ERG: variants seen among roughly 807,000 people sequenced by gnomAD.
ERG encodes transcriptional regulator ERG.
In ERG, 9 loss-of-function variants were observed where a neutral mutation model predicts 55.3. The observed-to-expected ratio is 0.16, with a 90% CI of 0.10 to 0.28. The LOEUF (loss-of-function observed/expected upper bound fraction) is 0.28, where lower values mean the gene tolerates loss of function less well. ERG is among the 10% of genes least tolerant of loss of function. The probability of loss-of-function intolerance (pLI) is 1.00; values close to 1 mark genes in which losing one functional copy is unlikely to be tolerated. For missense variants in ERG, 434 were observed against 631.6 expected, an observed-to-expected ratio of 0.69 and a Z score of 3.35; for synonymous variants, 223 against 237.3, an observed-to-expected ratio of 0.94 and a Z score of 0.55.
intron 1 of ERG, among the ~76,000 whole-genome samples, chr21:38,606,875 G>C (rs181563383): frequency 6.6e-4 from 101 of 152,246 alleles, no homozygotes; most frequent in African/African-American, 2.3e-3. Context: ...AAATTATTCA[G>C]AAGATATATT....
intron 5 of ERG, among the ~76,000 whole-genome samples, chr21:38,401,202 G>A (rs911547470): frequency 2.0e-5 from 3 of 152,074 alleles, no homozygotes; most frequent in Non-Finnish European, 4.4e-5. Context: ...GGAATTTGTT[G>A]TCTTGTTCAT....
At chr21:38,391,570 A>C in intron 8 of ERG, 89 bp downstream of exon 8, 6 of 1,094,088 alleles carry the variant, frequency 5.5e-6, no homozygotes, top group Non-Finnish European at 8.2e-6. Context: ...CAATCATGTT[A>C]ATTTCCATTA....
intron 2 of ERG, among the ~76,000 whole-genome samples, chr21:38,509,026 T>A (rs1271585433): frequency 1.3e-5 from 2 of 152,188 alleles, no homozygotes; most frequent in Non-Finnish European, 2.9e-5. Flanking sequence ...CCCAGAGGTA[T>A]AAATGAAGAA....
At chr21:38,574,292 C>T (rs1601261080) in intron 2 of ERG, among the ~76,000 whole-genome samples, 1 of 152,196 alleles carries the variant, frequency 6.6e-6, no homozygotes, top group Admixed American at 6.5e-5. Context: ...CCGAAGAAAC[C>T]TTATCACATC....
chr21:38,493,591 G>A (rs772127111), intron 1 of ERG, among the ~76,000 whole-genome samples: 8 of 152,208 alleles, frequency 5.3e-5, no homozygotes, highest in Non-Finnish European at 1.2e-4. Context: ...AAAGAGGAGA[G>A]TGGGGTATTC....
At chr21:38,550,538 G>A (rs1386671117) in intron 2 of ERG, among the ~76,000 whole-genome samples, 1 of 152,164 alleles carries the variant, frequency 6.6e-6, no homozygotes, top group East Asian at 1.9e-4. Flanking sequence ...TTGTCACAGT[G>A]TGAAGACCCA....
At chr21:38,450,096 A>G (rs1000920868) in intron 1 of ERG, among the ~76,000 whole-genome samples, 2 of 152,144 alleles carry the variant, frequency 1.3e-5, no homozygotes, top group African/African-American at 2.4e-5. Flanking sequence ...ATGCTTAAAA[A>G]AAAAAAAATC....
chr21:38,661,693 G>A (rs1349667567), exon 1 of ERG: 1 of 152,322 alleles, frequency 6.6e-6, no homozygotes, highest in Non-Finnish European at 1.5e-5. Flanking sequence ...GTCCCTCGGG[G>A]GCCGTCACGA....
At chr21:38,610,161 A>G (rs1302589142) in intron 1 of ERG, among the ~76,000 whole-genome samples, 1 of 152,244 alleles carries the variant, frequency 6.6e-6, no homozygotes, top group East Asian at 1.9e-4. Flanking sequence ...ACACACAGCA[A>G]GTAATGGATG....
chr21:38,452,135 A>T (rs1468589549), intron 1 of ERG, among the ~76,000 whole-genome samples: 1 of 151,448 alleles, frequency 6.6e-6, no homozygotes, highest in Non-Finnish European at 1.5e-5. Flanking sequence ...ATCTAAAGAG[A>T]GTATTTCTCC....
At chr21:38,420,030 G>GTT (rs1569083366) in intron 3 of ERG, among the ~76,000 whole-genome samples, 2 of 137,542 alleles carry the variant, frequency 1.5e-5, no homozygotes, top group African/African-American at 3.0e-5. Flanking sequence ...AATAACTGAT[G>GTT]GTTTTTTTTT....
At chr21:38,507,190 T>C (rs116314223) in intron 2 of ERG, among the ~76,000 whole-genome samples, 38 of 152,280 alleles carry the variant, frequency 2.5e-4, no homozygotes, top group African/African-American at 9.1e-4. Context: ...AGTGCAGGGC[T>C]AACCTCTGCT....
At chr21:38,529,549 G>A (rs1008745849) in intron 2 of ERG, among the ~76,000 whole-genome samples, 2 of 152,144 alleles carry the variant, frequency 1.3e-5, no homozygotes, top group Admixed American at 1.3e-4. Context: ...AGTAGCCTTG[G>A]GGAGCAGTGA....
chr21:38,594,502 T>C (rs2060119811), intron 1 of ERG, among the ~76,000 whole-genome samples: 1 of 152,002 alleles, frequency 6.6e-6, no homozygotes. Context: ...GACGGGGCCA[T>C]ATGGGACAGA....
intron 1 of ERG, among the ~76,000 whole-genome samples, chr21:38,607,377 GC>G (rs1280325105): frequency 6.6e-6 from 1 of 152,154 alleles, no homozygotes; most frequent in East Asian, 1.9e-4. Flanking sequence ...GGTGGCTCAC[GC>G]CTGTAATCCC....
chr21:38,545,867 T>C (rs75212529), intron 2 of ERG, among the ~76,000 whole-genome samples: 2,048 of 152,300 alleles, frequency 0.013, 51 homozygotes, highest in African/African-American at 0.047. Context: ...CTCCAACTCA[T>C]TTCCTACTAA....
intron 1 of ERG, among the ~76,000 whole-genome samples, chr21:38,627,144 A>G (rs1195368724): frequency 6.6e-6 from 1 of 152,196 alleles, no homozygotes; most frequent in Non-Finnish European, 1.5e-5. Flanking sequence ...AAAGACAACA[A>G]AAGTAGATGT....
intron 1 of ERG, among the ~76,000 whole-genome samples, chr21:38,478,334 A>C (rs1569130672): frequency 6.6e-6 from 1 of 152,226 alleles, no homozygotes; most frequent in East Asian, 1.9e-4. Flanking sequence ...GGAACTGTGA[A>C]AATAGAGCAA....
chr21:38,539,337 T>C (rs973586105), intron 2 of ERG, among the ~76,000 whole-genome samples: 2 of 152,154 alleles, frequency 1.3e-5, no homozygotes, highest in African/African-American at 4.8e-5. Flanking sequence ...AGATGTTCTA[T>C]GAAAAAAGTA....
Sources: allele counts gnomAD v4.1 joint callset (sites outside exome capture counted in the v4.1 genomes callset), GRCh38; gene constraint gnomAD v4.1.1; transcripts MANE v1.5; gene names NCBI Gene and HGNC (gene_info 2026-07-23, HGNC 2026-07-21).